PARP1: variants seen among roughly 807,000 people sequenced by gnomAD.
The protein encoded by PARP1 is poly(ADP-ribose) polymerase 1.
PARP1 carries 44 observed loss-of-function variants against 118.7 expected under a neutral mutation model. The ratio of observed to expected loss-of-function variants is 0.37; its 90% confidence interval spans 0.29 to 0.48. PARP1 has a LOEUF of 0.48. Ranked by LOEUF, PARP1 falls within the 20% of genes least tolerant of loss-of-function variation. The probability of loss-of-function intolerance (pLI) is 0.99; values close to 1 mark genes in which losing one functional copy is unlikely to be tolerated. For synonymous variants in PARP1, 492 were observed against 483.2 expected, an observed-to-expected ratio of 1.02 and a Z score of -0.24; for missense variants, 1,100 against 1,272.4, an observed-to-expected ratio of 0.86 and a Z score of 2.06.
At chr1:226,363,914 C>T (rs753259768) in intron 20 of PARP1, 29 bp downstream of exon 20, 11 of 1,612,238 alleles carry the variant, frequency 6.8e-6, no homozygotes, top group Non-Finnish European at 8.5e-6. Context: ...CCATGAAATG[C>T]CATCAGTCCC....
chr1:226,381,026 C>T (rs745424071), intron 9 of PARP1, 42 bp downstream of exon 9: 7 of 1,610,658 alleles, frequency 4.3e-6, no homozygotes, highest in Non-Finnish European at 4.2e-6. Context: ...TCATAAGATA[C>T]AGAAGCATTG....
At chr1:226,383,309 C>A in intron 7 of PARP1, 126 bp from the exon 8 acceptor site, 1 of 771,542 alleles carries the variant, frequency 1.3e-6, no homozygotes, top group Non-Finnish European at 2.2e-6. Flanking sequence ...TAAAGAGTAA[C>A]AAAAAATAGA....
chr1:226,382,164 C>T (rs949385492), intron 8 of PARP1, among the ~76,000 whole-genome samples: 1 of 152,198 alleles, frequency 6.6e-6, no homozygotes, highest in African/African-American at 2.4e-5. Context: ...GAACCCTCAT[C>T]CTCCACCCAC....
At chr1:226,390,906 T>C (rs1171267467) in intron 3 of PARP1, among the ~76,000 whole-genome samples, 1 of 152,126 alleles carries the variant, frequency 6.6e-6, no homozygotes, top group Non-Finnish European at 1.5e-5. Flanking sequence ...CCTTAAGATG[T>C]TTCTGCTGAC....
chr1:226,383,281 CT>C lies in PARP1; in HGVS notation c.1012-99del, dbSNP rs1474632223. 5.4e-6 allele frequency: 5 copies of C among 931,080 alleles called. No individual in the cohort carries two copies. The South Asian group carries it at 5.7e-5, about 11-fold the overall frequency. The allele number at this position is 931,080 out of a possible 1,614,324, so 57.7% of individuals were successfully genotyped here. ...TTGGCTTGTCCAAATCAAATAATCT[CT>C]TTTTTTCTTCTTACAATAAAGAGTA... On this transcript the variant is annotated intron_variant, in intron 7 of 22. Transcript: ENST00000366794.
At chr1:226,382,999 C>A in intron 8 of PARP1, 37 bp downstream of exon 8, 1 of 1,610,102 alleles carries the variant, frequency 6.2e-7, no homozygotes, top group Non-Finnish European at 8.5e-7. Context: ...ACAATTCCTG[C>A]AAAGCAGCTC....
chr1:226,367,882 G>A (rs1664303256), intron 16 of PARP1, among the ~76,000 whole-genome samples: 1 of 152,192 alleles, frequency 6.6e-6, no homozygotes, highest in African/African-American at 2.4e-5. Flanking sequence ...TACAGTGAAG[G>A]TACTTTAGAC....
chr1:226,406,325 A>G (rs1665146515), intron 1 of PARP1, among the ~76,000 whole-genome samples: 2 of 152,188 alleles, frequency 1.3e-5, no homozygotes, highest in Non-Finnish European at 2.9e-5. Context: ...CTACCATCCC[A>G]CAGACCCTGG....
intron 17 of PARP1, chr1:226,366,338 G>C: frequency 2.5e-6 from 1 of 399,392 alleles, no homozygotes; most frequent in Non-Finnish European, 4.8e-6. Context: ...TAGAATGTGG[G>C]ATTCACTGTC....
chr1:226,406,036 C>T (rs1665139893), intron 1 of PARP1, among the ~76,000 whole-genome samples: 1 of 151,882 alleles, frequency 6.6e-6, no homozygotes, highest in South Asian at 2.1e-4. Context: ...TACAGTAACC[C>T]GTGAGCTTTT....
chr1:226,397,843 C>T (rs1168506719), intron 2 of PARP1, among the ~76,000 whole-genome samples: 1 of 151,750 alleles, frequency 6.6e-6, no homozygotes, highest in East Asian at 1.9e-4. Context: ...AACAGGGAGC[C>T]CAGAAACAGA....
intron 19 of PARP1, chr1:226,364,487 T>C (rs1283125084): frequency 1.8e-5 from 6 of 336,958 alleles, no homozygotes; most frequent in East Asian, 7.5e-5. Context: ...TTGCCCGTTA[T>C]ACACTACTGC....
chr1:226,376,642 T>C (rs1664492693), intron 13 of PARP1, among the ~76,000 whole-genome samples: 1 of 152,260 alleles, frequency 6.6e-6, no homozygotes, highest in African/African-American at 2.4e-5. Flanking sequence ...AGGTGTTGAC[T>C]GTATTAAATG....
intron 14 of PARP1, among the ~76,000 whole-genome samples, chr1:226,371,370 T>C (rs1336614962): frequency 6.6e-6 from 1 of 152,172 alleles, no homozygotes. Flanking sequence ...CTTCCTGCAG[T>C]GCTTGGAACA....
Position 226,380,157 on chromosome 1 carries a change from C to A in PARP1, c.1308G>T (p.Val436=), listed in dbSNP as rs999600537. The A allele has an allele frequency of 6.2e-7, 1 of 1,613,998 alleles. No homozygotes were observed. The highest frequency in any genetic ancestry group is 8.5e-7 in the Non-Finnish European group (1 of 1,180,028). Residue 436 remains valine (V), a synonymous_variant, in exon 10 of 23, where the codon GTG becomes GTT. Transcript: ENST00000366794. ...CCTCCATCTTCTTATTCATCTTTTC[C>A]ACCTCCTCTGTTCAAATTGAAAGGA... ...ASLCISTKKE[V]EKMNKKMEEV...
At chr1:226,364,882 C>T (rs1416824662) in intron 19 of PARP1, 120 bp downstream of exon 19, 20 of 1,123,146 alleles carry the variant, frequency 1.8e-5, no homozygotes, top group African/African-American at 3.1e-5. Context: ...AGGGTGAAGG[C>T]CCAAAGAAAG....
intron 14 of PARP1, among the ~76,000 whole-genome samples, chr1:226,373,311 G>A (rs945017599): frequency 2.0e-5 from 3 of 152,210 alleles, no homozygotes; most frequent in Non-Finnish European, 4.4e-5. Context: ...GTTCCTAGGA[G>A]CCTAGAACAA....
At chr1:226,376,980 T>C (rs1664500037) in intron 13 of PARP1, 128 bp downstream of exon 13, 2 of 876,918 alleles carry the variant, frequency 2.3e-6, no homozygotes, top group South Asian at 1.4e-5. Flanking sequence ...TGAAGGACTA[T>C]TATTCTCCTT....
chr1:226,382,516 G>C (rs771640625), intron 8 of PARP1, among the ~76,000 whole-genome samples: 2 of 152,140 alleles, frequency 1.3e-5, no homozygotes, highest in Non-Finnish European at 2.9e-5. Context: ...AGAGCTGCTT[G>C]TTCTTCTACA....
Sources: gnomAD v4.1 joint callset for allele counts (sites outside exome capture counted in the v4.1 genomes callset) on GRCh38, gnomAD v4.1.1 for gene constraint, MANE v1.5 for transcripts, NCBI Gene and HGNC (gene_info 2026-07-23, HGNC 2026-07-21) for gene names.